DPP10: variants seen among roughly 807,000 people sequenced by gnomAD.
The protein encoded by DPP10 is dipeptidyl peptidase like 10.
A neutral mutation model predicts 120.9 loss-of-function variants in DPP10; 33 were observed. The observed-to-expected ratio is 0.27, with a 90% confidence interval of 0.21 to 0.37. The LOEUF is 0.37. Ranked by LOEUF, DPP10 falls within the 10% of genes least tolerant of loss-of-function variation. The probability of loss-of-function intolerance (pLI) is 1.00; values close to 1 mark genes in which losing one functional copy is unlikely to be tolerated. For missense variants in DPP10, 816 were observed against 942.8 expected, an observed-to-expected ratio of 0.87 and a Z score of 1.76; for synonymous variants, 337 against 326.1, an observed-to-expected ratio of 1.03 and a Z score of -0.36.
chr2:115,828,261 G>C (rs1308378619), intron 21 of DPP10, among the ~76,000 whole-genome samples: 2 of 151,534 alleles, frequency 1.3e-5, no homozygotes, highest in Non-Finnish European at 2.9e-5. Context: ...TTTTTCCTCT[G>C]TATACAACGC....
chr2:114,668,884 AT>A (rs1558986220), intron 1 of DPP10, among the ~76,000 whole-genome samples: 2 of 151,634 alleles, frequency 1.3e-5, no homozygotes, highest in Non-Finnish European at 1.5e-5. Context: ...TATTTTCATC[AT>A]TTTTTACATA....
chr2:115,128,457 T>C (rs903665187), intron 1 of DPP10, among the ~76,000 whole-genome samples: 6 of 152,196 alleles, frequency 3.9e-5, no homozygotes. Flanking sequence ...CTTTGTTAAA[T>C]ATTTCCTCAT....
intron 1 of DPP10, among the ~76,000 whole-genome samples, chr2:114,513,777 C>T (rs1029160247): frequency 1.6e-4 from 25 of 152,140 alleles, no homozygotes; most frequent in South Asian, 1.2e-3. Flanking sequence ...GTTAGGTAAA[C>T]GTATTTTTAT....
chr2:115,513,543 G>T (rs965655335), intron 4 of DPP10, among the ~76,000 whole-genome samples: 3 of 151,242 alleles, frequency 2.0e-5, no homozygotes, highest in Non-Finnish European at 4.4e-5. Flanking sequence ...TATTTTTTGT[G>T]TTATTTATTT....
chr2:115,578,659 T>C (rs2149117459), intron 5 of DPP10, among the ~76,000 whole-genome samples: 1 of 152,272 alleles, frequency 6.6e-6, no homozygotes, highest in Admixed American at 6.5e-5. Flanking sequence ...AGAACCATGA[T>C]TTGAGATGCT....
At chr2:114,879,795 A>C (rs764975869) in intron 1 of DPP10, among the ~76,000 whole-genome samples, 5 of 152,154 alleles carry the variant, frequency 3.3e-5, no homozygotes, top group Non-Finnish European at 7.4e-5. Context: ...TGTGGAAGAC[A>C]GTGACCACTT....
chr2:115,646,500 C>T (rs1226433873), intron 5 of DPP10, among the ~76,000 whole-genome samples: 1 of 152,160 alleles, frequency 6.6e-6, no homozygotes, highest in East Asian at 1.9e-4. Context: ...TGCTGAAACA[C>T]CATGTCTGTA....
At chr2:115,474,669 T>C (rs1237021574) in intron 3 of DPP10, among the ~76,000 whole-genome samples, 1 of 150,210 alleles carries the variant, frequency 6.7e-6, no homozygotes, top group Non-Finnish European at 1.5e-5. Flanking sequence ...CTGGAACTTA[T>C]ATTTAAAAGA....
At chr2:115,653,027 GAC>G (rs1558982348) in intron 5 of DPP10, among the ~76,000 whole-genome samples, 2 of 150,970 alleles carry the variant, frequency 1.3e-5, no homozygotes, top group African/African-American at 4.9e-5. Context: ...ATTTTACAGA[GAC>G]ACAGGGGGAA....
intron 1 of DPP10, among the ~76,000 whole-genome samples, chr2:115,143,762 C>T (rs903262263): frequency 2.6e-5 from 4 of 152,114 alleles, no homozygotes; most frequent in African/African-American, 9.7e-5. Flanking sequence ...GAGCTAAGTA[C>T]CACATTGGAG....
chr2:114,835,857 C>A (rs1353046139), intron 1 of DPP10, among the ~76,000 whole-genome samples: 2 of 152,150 alleles, frequency 1.3e-5, no homozygotes, highest in Non-Finnish European at 2.9e-5. Context: ...ATAATTAGTG[C>A]TCAGCTGTAC....
chr2:115,277,256 C>T (rs1022656599), intron 1 of DPP10, among the ~76,000 whole-genome samples: 3 of 152,076 alleles, frequency 2.0e-5, no homozygotes, highest in Non-Finnish European at 4.4e-5. Flanking sequence ...GCCTGACTTA[C>T]CATTTCAGAA....
intron 3 of DPP10, among the ~76,000 whole-genome samples, chr2:115,352,264 GA>G (rs770662208): frequency 6.6e-6 from 1 of 151,720 alleles, no homozygotes; most frequent in African/African-American, 2.4e-5. Context: ...TTTAAAATAA[GA>G]AAAAAAAGCT....
chr2:114,812,429 T>A (rs1242014172), intron 1 of DPP10, among the ~76,000 whole-genome samples: 1 of 151,938 alleles, frequency 6.6e-6, no homozygotes, highest in African/African-American at 2.4e-5. Flanking sequence ...CTACAAAAAA[T>A]TTTTAAAAAC....
chr2:114,815,485 C>T (rs1451959795), intron 1 of DPP10, among the ~76,000 whole-genome samples: 4 of 152,154 alleles, frequency 2.6e-5, no homozygotes, highest in African/African-American at 4.8e-5. Context: ...AGAAGGGTTA[C>T]AATCATGTCT....
intron 3 of DPP10, among the ~76,000 whole-genome samples, chr2:115,436,526 C>T (rs1238068751): frequency 6.6e-6 from 1 of 151,474 alleles, no homozygotes; most frequent in Non-Finnish European, 1.5e-5. Flanking sequence ...TTAGAAAGTA[C>T]CTGATTTTTG....
At chr2:114,496,325 A>G (rs2104470204) in intron 1 of DPP10, among the ~76,000 whole-genome samples, 1 of 152,232 alleles carries the variant, frequency 6.6e-6, no homozygotes, top group East Asian at 1.9e-4. Context: ...TGGGGCCTAC[A>G]CCTCTAATGA....
intron 3 of DPP10, among the ~76,000 whole-genome samples, chr2:115,384,126 A>G (rs10165687): frequency 0.67 from 101,999 of 151,976 alleles, 34,575 homozygotes; most frequent in Admixed American, 0.75. Context: ...TCTTTCTCCC[A>G]TCTCCTGCTC....
chr2:115,172,633 T>G (rs2105071859), intron 1 of DPP10, among the ~76,000 whole-genome samples: 1 of 152,326 alleles, frequency 6.6e-6, no homozygotes, highest in East Asian at 1.9e-4. Flanking sequence ...CCTCTCTGTA[T>G]CTGATGCTTC....
Sources: allele counts gnomAD v4.1 joint callset (sites outside exome capture counted in the v4.1 genomes callset), GRCh38; gene constraint gnomAD v4.1.1; transcripts MANE v1.5; gene names NCBI Gene and HGNC (gene_info 2026-07-23, HGNC 2026-07-21).